Variants in CFAP47 observed in about 807,000 individuals in gnomAD.
CFAP47 encodes the protein cilia- and flagella-associated protein 47.
CFAP47 carries 29 observed loss-of-function variants against 148.1 expected under a neutral mutation model. That is an observed-to-expected ratio of 0.20 (90% CI 0.15 to 0.27). The LOEUF is 0.27. CFAP47 is among the 10% of genes least tolerant of loss of function. The pLI is 1.00. For missense variants in CFAP47, 1,872 were observed against 1,697.5 expected, an observed-to-expected ratio of 1.10 and a Z score of -1.81; for synonymous variants, 664 against 577.3, an observed-to-expected ratio of 1.15 and a Z score of -2.15.
At chrX:35,920,133 T>C (rs1415171231) in intron 1 of CFAP47, 85 bp downstream of exon 1, 13 of 1,023,375 alleles carry the variant, frequency 1.3e-5, no homozygotes, top group African/African-American at 1.9e-5. Flanking sequence ...GGAGTAGTCA[T>C]CTGGCTCCTG....
chrX:36,006,945 C>T (rs764738527), intron 21 of CFAP47, among the ~76,000 whole-genome samples: 1 of 112,015 alleles, frequency 8.9e-6, no homozygotes, highest in East Asian at 2.8e-4. Context: ...TAGATTCACA[C>T]GTGGCTATTG....
At chrX:35,977,096 A>G (rs1936581902) in intron 15 of CFAP47, among the ~76,000 whole-genome samples, 1 of 111,953 alleles carries the variant, frequency 8.9e-6, no homozygotes, top group African/African-American at 3.2e-5. Flanking sequence ...TCAATACGGT[A>G]TCTTTGTTTT....
chrX:36,278,769 T>G (rs917246907), intron 49 of CFAP47, among the ~76,000 whole-genome samples: 11 of 112,655 alleles, frequency 9.8e-5, no homozygotes, highest in African/African-American at 3.5e-4. Context: ...AACATACAGT[T>G]ATTAGTAGTA....
At chrX:36,338,640 C>T (rs1349341070) in intron 57 of CFAP47, among the ~76,000 whole-genome samples, 2 of 111,673 alleles carry the variant, frequency 1.8e-5, no homozygotes, top group Admixed American at 9.5e-5. Flanking sequence ...GTTCCTGCCC[C>T]CCTAACTTCC....
chrX:36,336,244 G>GACACAC (rs781925226), intron 57 of CFAP47, among the ~76,000 whole-genome samples: 293 of 65,525 alleles, frequency 4.5e-3, no homozygotes, highest in Non-Finnish European at 6.7e-3. Flanking sequence ...CAGACACACA[G>GACACAC]ACACACACAC....
At chrX:36,176,876 C>T (rs1437365237) in intron 39 of CFAP47, among the ~76,000 whole-genome samples, 1 of 111,923 alleles carries the variant, frequency 8.9e-6, no homozygotes, top group East Asian at 2.8e-4. Context: ...TGCATTCCAG[C>T]CTGGGCGACA....
chrX:36,186,308 G>T, intron 40 of CFAP47, among the ~76,000 whole-genome samples: 1 of 111,012 alleles, frequency 9.0e-6, no homozygotes, highest in African/African-American at 3.3e-5. Context: ...GATCAGCTCT[G>T]CCCTTCTATC....
intron 35 of CFAP47, among the ~76,000 whole-genome samples, chrX:36,139,084 T>G (rs1343102025): frequency 9.0e-6 from 1 of 111,723 alleles, no homozygotes; most frequent in African/African-American, 3.2e-5. Context: ...TATCAAGATA[T>G]TTGCCTGTTA....
chrX:35,997,029 G>A lies in CFAP47; in HGVS notation c.3100-283G>A, dbSNP rs776417347. ...ATAAATAAAAATTGTACTGCAAGGA[G>A]TGGCAATAAAGTTTAGTCAAATAGG... On this transcript the variant is annotated intron_variant, in intron 18 of 63. Transcript: ENST00000378653. Among the ~76,000 whole-genome samples, 5 of 111,595 alleles carry A rather than the reference G, an allele frequency of 4.5e-5. No homozygotes were observed. The South Asian group carries it at 1.8e-3, about 41-fold the overall frequency.
At position 36,251,340 on chromosome X, in the gene CFAP47, C is replaced by A. The variant is rs1555998180; in HGVS notation, c.7340C>A (p.Ala2447Glu). The change falls in exon 49 of 64, where the codon GCA becomes GAA. Residue 2447 changes from alanine to glutamate, a missense_variant. Coordinates refer to ENST00000378653, the MANE Select transcript of CFAP47 (RefSeq NM_001304548.2). ...TNTALTFKVT[A>E]DLPIVWGNPQ... Reference sequence around the variant, plus strand: ...CTGAATTATCTCTTATAGGTAACTGCAGATCTTCCAATAGTGTGGGGAAAT... The same window carrying A: ...CTGAATTATCTCTTATAGGTAACTGAAGATCTTCCAATAGTGTGGGGAAAT... 1 of 499,244 alleles carries A rather than the reference C, an allele frequency of 2.0e-6. No homozygotes were observed. Among genetic ancestry groups the A allele is most frequent in the East Asian group, 3.7e-5 (1 of 27,139 alleles). 41.1% of individuals were successfully genotyped at this position (499,244 alleles called of 1,213,427 possible).
At chrX:36,294,109 A>G (rs1941218067) in intron 51 of CFAP47, among the ~76,000 whole-genome samples, 1 of 111,687 alleles carries the variant, frequency 9.0e-6, no homozygotes, top group Non-Finnish European at 1.9e-5. Context: ...AAGATAGAAG[A>G]AGGCAAAAGG....
At chrX:36,063,770 C>CA (rs1443073545) in intron 26 of CFAP47, among the ~76,000 whole-genome samples, 1 of 111,766 alleles carries the variant, frequency 8.9e-6, no homozygotes, top group East Asian at 2.8e-4. Context: ...GTTCCCCCCA[C>CA]AAAAAACAAG....
chrX:36,347,438 C>T (rs781865986), intron 57 of CFAP47, among the ~76,000 whole-genome samples: 20 of 111,830 alleles, frequency 1.8e-4, no homozygotes, highest in South Asian at 7.5e-4. Flanking sequence ...TGGGTATATA[C>T]GCAAAGGATT....
Position 35,926,033 on chromosome X carries a change from C to T in CFAP47, c.266C>T (p.Thr89Ile). ...CCACTGAAGTTCAAACTGATGTTGA[C>T]CAGTCTGGATAAAGAACTTGCTTCT... ...PVKPQFKLML[T>I]SLDKELASGL... The change falls in exon 2 of 64, where the codon ACC becomes ATC. Residue 89 changes from threonine (T) to isoleucine (I), a missense_variant. Transcript: ENST00000378653. 2 of 1,202,875 alleles carry T rather than the reference C, an allele frequency of 1.7e-6. No individual in the cohort carries two copies. The highest frequency in any genetic ancestry group is 2.2e-6 in the Non-Finnish European group (2 of 889,921).
At chrX:36,114,763 C>T (rs992942923) in intron 33 of CFAP47, among the ~76,000 whole-genome samples, 3 of 111,475 alleles carry the variant, frequency 2.7e-5, no homozygotes, top group African/African-American at 9.8e-5. Context: ...GACTGCTGGT[C>T]ACTACACTCT....
intron 57 of CFAP47, among the ~76,000 whole-genome samples, chrX:36,324,623 T>C (rs1556012659): frequency 9.0e-6 from 1 of 111,413 alleles, no homozygotes; most frequent in African/African-American, 3.3e-5. Flanking sequence ...CACAATTGTG[T>C]ATGTGAAGAC....
chrX:36,298,693 T>C (rs1414478445), intron 51 of CFAP47, among the ~76,000 whole-genome samples: 1 of 111,333 alleles, frequency 9.0e-6, no homozygotes, highest in Non-Finnish European at 1.9e-5. Flanking sequence ...GTGAAAAATA[T>C]ATTTTAAATG....
chrX:36,220,231 A>G (rs1940199938), intron 45 of CFAP47, among the ~76,000 whole-genome samples: 1 of 111,250 alleles, frequency 9.0e-6, no homozygotes, highest in African/African-American at 3.3e-5. Context: ...TATAATGTGT[A>G]TATGAAACGT....
chrX:36,107,687 T>C (rs1480028909), intron 33 of CFAP47, among the ~76,000 whole-genome samples: 1 of 112,020 alleles, frequency 8.9e-6, no homozygotes, highest in Non-Finnish European at 1.9e-5. Context: ...GTTGATGTGC[T>C]GATGTGCACT....
Sources: allele counts gnomAD v4.1 joint callset (sites outside exome capture counted in the v4.1 genomes callset), GRCh38; gene constraint gnomAD v4.1.1; transcripts MANE v1.5; gene names NCBI Gene and HGNC (gene_info 2026-07-23, HGNC 2026-07-21).